The following SCN1A variants were observed in gnomAD, a reference collection of about 807,000 sequenced individuals.
The protein encoded by SCN1A is sodium voltage-gated channel alpha subunit 1.
In SCN1A, 13 loss-of-function variants were observed where a neutral mutation model predicts 193.7. The observed-to-expected ratio is 0.07, with a 90% CI of 0.04 to 0.11. The LOEUF (loss-of-function observed/expected upper bound fraction) is 0.11. Among genes scored for constraint, SCN1A ranks in the 10% least tolerant of loss-of-function variants. The pLI, the probability that SCN1A is intolerant of heterozygous loss-of-function variation, is 1.00. For missense variants in SCN1A, 1,432 were observed against 2,451.1 expected, an observed-to-expected ratio of 0.58 and a Z score of 8.78; for synonymous variants, 781 against 843.6, an observed-to-expected ratio of 0.93 and a Z score of 1.29.
chr2:166,034,091 A>C (rs554890), intron 19 of SCN1A, among the ~76,000 whole-genome samples: 1 of 126,262 alleles, frequency 7.9e-6, no homozygotes, highest in African/African-American at 3.1e-5. Context: ...AAAAGTCCAC[A>C]ATATTTGATA....
intron 2 of SCN1A, among the ~76,000 whole-genome samples, chr2:166,110,821 G>C (rs1247001714): frequency 1.3e-5 from 2 of 152,116 alleles, no homozygotes; most frequent in Non-Finnish European, 2.9e-5. Flanking sequence ...TTGAATCATG[G>C]GGGCAGGTCC....
At chr2:165,995,963 G>T in intron 27 of SCN1A, 50 bp downstream of exon 27, 1 of 1,231,812 alleles carries the variant, frequency 8.1e-7, no homozygotes, top group Non-Finnish European at 1.2e-6. Context: ...AGACAAGCAT[G>T]CAAGTTTTTG....
chr2:165,984,852 T>C (rs1688507586), downstream of SCN1A: 1 of 152,124 alleles, frequency 6.6e-6, no homozygotes, highest in African/African-American at 2.4e-5. Context: ...AGCCCTTCCC[T>C]CATAATGTTA....
intron 22 of SCN1A, among the ~76,000 whole-genome samples, chr2:166,011,492 A>G (rs149166595): frequency 1.4e-5 from 2 of 146,784 alleles, no homozygotes; most frequent in Non-Finnish European, 3.0e-5. Flanking sequence ...CATTCTAGGA[A>G]AACTTTCACT....
At chr2:166,051,141 A>G (rs919153961) in intron 9 of SCN1A, among the ~76,000 whole-genome samples, 2 of 152,044 alleles carry the variant, frequency 1.3e-5, no homozygotes, top group Non-Finnish European at 2.9e-5. Flanking sequence ...AATTCTTTCT[A>G]GCTGAATTCT....
chr2:166,125,780 C>T (rs666833), intron 2 of SCN1A, among the ~76,000 whole-genome samples: 118,595 of 151,960 alleles, frequency 0.78, 47,109 homozygotes, highest in Non-Finnish European at 0.86. Flanking sequence ...CCAATTGTGC[C>T]CCGCCTTGCC....
At chr2:166,012,612 CTTTTT>C (rs60890420) in intron 21 of SCN1A, among the ~76,000 whole-genome samples, 8 of 77,196 alleles carry the variant, frequency 1.0e-4, no homozygotes, top group African/African-American at 2.1e-4. Context: ...CTTCTATTGG[CTTTTT>C]TTTTTTTTTT....
chr2:166,123,177 A>G (rs1193508333), intron 2 of SCN1A, among the ~76,000 whole-genome samples: 1 of 148,548 alleles, frequency 6.7e-6, no homozygotes, highest in Non-Finnish European at 1.5e-5. Flanking sequence ...ATGAAAGCTG[A>G]TGTTTATCAA....
chr2:166,118,500 C>T (rs1274081061), intron 2 of SCN1A, among the ~76,000 whole-genome samples: 1 of 151,560 alleles, frequency 6.6e-6, no homozygotes, highest in Non-Finnish European at 1.5e-5. Context: ...CTCACAGACT[C>T]CTCAAATCAC....
At chr2:166,069,165 C>A (rs1684153927) in intron 4 of SCN1A, among the ~76,000 whole-genome samples, 1 of 152,152 alleles carries the variant, frequency 6.6e-6, no homozygotes, top group Non-Finnish European at 1.5e-5. Context: ...AATCTGGAAT[C>A]ATGTTCTAAA....
chr2:166,055,403 A>G (rs1436936517), intron 6 of SCN1A, among the ~76,000 whole-genome samples: 2 of 151,934 alleles, frequency 1.3e-5, no homozygotes, highest in African/African-American at 2.4e-5. Flanking sequence ...AACTAGGGCG[A>G]CTGAAAACCT....
At chr2:166,033,434 G>A (rs1695892446) in intron 19 of SCN1A, among the ~76,000 whole-genome samples, 1 of 151,168 alleles carries the variant, frequency 6.6e-6, no homozygotes, top group Non-Finnish European at 1.5e-5. Context: ...TTCATTGGCC[G>A]GGTGCAGTAG....
intron 2 of SCN1A, among the ~76,000 whole-genome samples, chr2:166,101,059 C>T (rs1224044547): frequency 2.8e-5 from 3 of 107,006 alleles, no homozygotes; most frequent in Admixed American, 1.1e-4. Flanking sequence ...CACATGCACA[C>T]GTATGTTTAT....
At chr2:166,084,086 T>C (rs1207409872) in intron 2 of SCN1A, among the ~76,000 whole-genome samples, 2 of 152,148 alleles carry the variant, frequency 1.3e-5, no homozygotes, top group Non-Finnish European at 2.9e-5. Context: ...GCACTGCCTA[T>C]ATCCAAGTTG....
At chr2:166,134,033 C>T (rs1328927280) in intron 1 of SCN1A, 5 of 152,024 alleles carry the variant, frequency 3.3e-5, no homozygotes, top group African/African-American at 7.3e-5. Context: ...ATAAAAATTC[C>T]GTAATAGACT....
rs188248723 is a variant in SCN1A at position 166,093,600 on chromosome 2, C to T, written c.-141-15799G>A. ...CCTCACGATCCACCCGCCTCGGCCTCCCAAAGTGCTGGGATTACAGGCGTG... is the reference window on the plus strand; with the variant it reads ...CCTCACGATCCACCCGCCTCGGCCTTCCAAAGTGCTGGGATTACAGGCGTG... On this transcript the variant is annotated intron_variant, in intron 2 of 28. Transcript: ENST00000674923. Among the ~76,000 whole-genome samples the T allele has an allele frequency of 7.4e-3, 1,122 of 152,274 alleles. 5 individuals are homozygous for T. The highest frequency in any genetic ancestry group is 0.01 in the Non-Finnish European group (689 of 68,016).
rs74753782 is a variant in SCN1A at position 166,058,916 on chromosome 2, T to A, written c.265-228A>T. 9.9e-5 allele frequency among the ~76,000 whole-genome samples: 15 copies of A among 152,216 alleles called. No individual in the cohort carries two copies. The East Asian group carries it at 2.9e-3, about 29-fold the overall frequency. On this transcript the variant is annotated intron_variant, in intron 4 of 28. Transcript: ENST00000674923. ...CTTTTACCTAATACTTACCCTCAAT[T>A]TTATTGTACATAAGACAATTAGCCA...
chr2:166,128,312 T>G (rs897802993), upstream of SCN1A, among the ~76,000 whole-genome samples: 2 of 152,156 alleles, frequency 1.3e-5, no homozygotes, highest in Admixed American at 6.5e-5. Context: ...TTTCAAGTAG[T>G]ACTTGAAAAA....
In SCN1A at chr2:166,096,406, C is replaced by T. The variant is rs149362989; in HGVS notation, c.-141-18605G>A. On this transcript the variant is annotated intron_variant, in intron 2 of 28. Transcript: ENST00000674923. Reference sequence around the variant, plus strand: ...CAAACAATTCTCTGCTTCAGCTTCCCGAGTAGCTGGGATTACAGGCACCCA... The same window carrying T: ...CAAACAATTCTCTGCTTCAGCTTCCTGAGTAGCTGGGATTACAGGCACCCA... 3.7e-4 allele frequency among the ~76,000 whole-genome samples: 56 copies of T among 152,176 alleles called. No homozygotes were observed. The East Asian group carries it at 9.1e-3, about 25-fold the overall frequency.
Sources: gnomAD v4.1 joint callset for allele counts (sites outside exome capture counted in the v4.1 genomes callset) on GRCh38, gnomAD v4.1.1 for gene constraint, MANE v1.5 for transcripts, NCBI Gene and HGNC (gene_info 2026-07-23, HGNC 2026-07-21) for gene names.